The following KDM4B variants were observed in gnomAD, a reference collection of about 807,000 sequenced individuals.
The protein encoded by KDM4B is lysine demethylase 4B.
In KDM4B, 32 loss-of-function variants were observed where a neutral mutation model predicts 125.2. The ratio of observed to expected loss-of-function variants is 0.26; its 90% CI spans 0.19 to 0.34. The LOEUF (loss-of-function observed/expected upper bound fraction) is 0.34, where lower values mean the gene tolerates loss of function less well. Ranked by LOEUF, KDM4B falls within the 10% of genes least tolerant of loss-of-function variation. The pLI is 1.00. For synonymous variants in KDM4B, 721 were observed against 677.9 expected, an observed-to-expected ratio of 1.06 and a Z score of -0.99; for missense variants, 1,190 against 1,577.7, an observed-to-expected ratio of 0.75 and a Z score of 4.16.
rs552783878 is a variant in KDM4B, at chr19:5,035,624, A to G, written c.141+2593A>G. On this transcript the variant is annotated intron_variant, in intron 3 of 22. Transcript: ENST00000159111. This position sits in a 1 kb window ranked among gnomAD's most constrained non-coding sequence, Gnocchi z 5.3. ...TCATGTCGCTGCTTCAGGTTTCTGC[A>G]CTCCCCCCAGGCCAGTTCCCCCGAG... Among the ~76,000 whole-genome samples, 1 of 146,488 alleles carries G rather than the reference A, an allele frequency of 6.8e-6. No individual in the cohort carries two copies.
intron 11 of KDM4B, among the ~76,000 whole-genome samples, chr19:5,127,638 C>T (rs1288877666): frequency 6.6e-6 from 1 of 152,212 alleles, no homozygotes; most frequent in Non-Finnish European, 1.5e-5. Flanking sequence ...CATGCCTGGT[C>T]CCTCCGGGAG....
chr19:5,151,066 G>A (rs775900289), intron 22 of KDM4B, among the ~76,000 whole-genome samples: 10 of 152,178 alleles, frequency 6.6e-5, no homozygotes, highest in Admixed American at 3.9e-4. Context: ...GGGGTCCCTC[G>A]GAAAACAGAT....
chr19:5,151,065 C>T (rs1343393241), intron 22 of KDM4B, among the ~76,000 whole-genome samples: 3 of 152,166 alleles, frequency 2.0e-5, no homozygotes, highest in South Asian at 2.1e-4. Context: ...AGGGGTCCCT[C>T]GGAAAACAGA....
At position 5,135,332 on chromosome 19, in the gene KDM4B, C is replaced by T; in HGVS notation, c.2086-7C>T. 1 of 1,601,206 alleles carries T rather than the reference C, an allele frequency of 6.2e-7. No individual in the cohort carries two copies. The highest frequency in any genetic ancestry group is 8.6e-7 in the Non-Finnish European group (1 of 1,169,380). On this transcript the variant is annotated splice_region_variant and splice_polypyrimidine_tract_variant and intron_variant, in intron 14 of 22. Transcript: ENST00000159111. Reference sequence around the variant, plus strand: ...TCTGTCCCCTGAAGGTCGCCTCTCCCCTACAGGCCCTACAGACTGAGAAGG... The same window carrying T: ...TCTGTCCCCTGAAGGTCGCCTCTCCTCTACAGGCCCTACAGACTGAGAAGG...
intron 9 of KDM4B, among the ~76,000 whole-genome samples, chr19:5,108,044 GA>G (rs1416885900): frequency 2.0e-5 from 3 of 152,220 alleles, no homozygotes; most frequent in Non-Finnish European, 4.4e-5. Context: ...TGGAGCAGGG[GA>G]TGCATCTGGA....
Position 5,114,189 on chromosome 19 carries a change from C to G in KDM4B, c.1115+3371C>G. 7.8e-7 allele frequency: 1 copy of G among 1,289,764 alleles called. No individual in the cohort carries two copies. 79.9% of individuals were successfully genotyped at this position (1,289,764 alleles called of 1,614,324 possible). A position where few individuals can be genotyped will look rare whatever the true frequency, so the allele number is the denominator to read the frequency against. ...CGCTCCTCCATGCAAACTCTTTCCA[C>G]GCGAGAAGCGCCATGTGCACGTGCT... On this transcript the variant is annotated intron_variant, in intron 10 of 22. Coordinates refer to ENST00000159111, the MANE Select transcript of KDM4B (RefSeq NM_015015.3). This position sits in a 1 kb window ranked among gnomAD's most constrained non-coding sequence, Gnocchi z 5.8.
At chr19:5,049,906 AG>A (rs1287401836) in intron 6 of KDM4B, among the ~76,000 whole-genome samples, 1 of 151,864 alleles carries the variant, frequency 6.6e-6, no homozygotes, top group African/African-American at 2.4e-5. Context: ...CCCAACTTGC[AG>A]GGGGGTGGGG....
chr19:4,995,058 T>C (rs145037917), intron 1 of KDM4B, among the ~76,000 whole-genome samples: 4 of 152,344 alleles, frequency 2.6e-5, no homozygotes, highest in East Asian at 3.9e-4. Flanking sequence ...ATGGTGCCTC[T>C]TCTTTTGCTC....
intron 5 of KDM4B, among the ~76,000 whole-genome samples, chr19:5,043,100 C>A (rs944115878): frequency 6.6e-6 from 1 of 151,626 alleles, no homozygotes; most frequent in Non-Finnish European, 1.5e-5. Context: ...GGGTGTCCCC[C>A]TTATCCCGCA....
In KDM4B at chr19:5,133,926, C is replaced by T. The variant is rs146435915; in HGVS notation, c.1950C>T (p.Asp650=). The T allele has an allele frequency of 1.2e-4, 199 of 1,613,126 alleles. No homozygotes were observed. The highest frequency in any genetic ancestry group is 3.9e-4 in the African/African-American group (29 of 75,060). Residue 650 remains aspartate, a synonymous_variant, in exon 14 of 23, where the codon GAC becomes GAT. Coordinates refer to ENST00000159111, the MANE Select transcript of KDM4B (RefSeq NM_015015.3). ...FSGEEDVSDP[D]ALRPLLSLQW... ...GGGAGGAAGATGTGAGTGACCCGGACGCCTTGAGGCCGCTGCTGTCTCTGC... is the reference window on the plus strand; with the variant it reads ...GGGAGGAAGATGTGAGTGACCCGGATGCCTTGAGGCCGCTGCTGTCTCTGC...
At chr19:5,138,215 T>C (rs1277529899) in intron 18 of KDM4B, 145 bp downstream of exon 18, 27 of 622,120 alleles carry the variant, frequency 4.3e-5, no homozygotes, top group Admixed American at 2.9e-5. Context: ...AGGAAGCCAG[T>C]GATCCCGACT....
intron 2 of KDM4B, among the ~76,000 whole-genome samples, chr19:5,024,130 G>A (rs2036209242): frequency 6.6e-6 from 1 of 152,116 alleles, no homozygotes; most frequent in African/African-American, 2.4e-5. Flanking sequence ...TTTCTTGGGT[G>A]TCCCTTGCGC....
At chr19:5,147,560 C>A (rs557471392) in intron 21 of KDM4B, among the ~76,000 whole-genome samples, 1 of 151,880 alleles carries the variant, frequency 6.6e-6, no homozygotes, top group Non-Finnish European at 1.5e-5. Context: ...GCCTGGGCAA[C>A]GCAGCAAAAC....
intron 9 of KDM4B, among the ~76,000 whole-genome samples, chr19:5,101,599 A>T (rs2038935391): frequency 6.7e-6 from 1 of 150,340 alleles, no homozygotes; most frequent in Non-Finnish European, 1.5e-5. Flanking sequence ...ATGGGTTGGG[A>T]TGCAAGGGGA....
intron 21 of KDM4B, among the ~76,000 whole-genome samples, chr19:5,147,409 G>A (rs2039870564): frequency 6.6e-6 from 1 of 152,136 alleles, no homozygotes; most frequent in Non-Finnish European, 1.5e-5. Flanking sequence ...CAGCGTCAGG[G>A]GAGCTCACCT....
intron 4 of KDM4B, 57 bp downstream of exon 4, chr19:5,040,068 T>C: frequency 6.7e-7 from 1 of 1,501,432 alleles, no homozygotes; most frequent in Non-Finnish European, 9.0e-7. Context: ...CACCTGCTCA[T>C]GGGGGCCCTG....
At position 5,099,986 on chromosome 19, in the gene KDM4B, T is replaced by G. The variant is rs1160827894; in HGVS notation, c.919-10636T>G. On this transcript the variant is annotated intron_variant, in intron 9 of 22. Coordinates refer to ENST00000159111, the MANE Select transcript of KDM4B (RefSeq NM_015015.3). ...TGTGCAGGAGAAGCTGCTGTCTGGG[T>G]GGCGGATAGTTTGGCTGGGTATCGA... is the stretch of plus-strand genomic sequence containing the variant. 2.6e-5 allele frequency among the ~76,000 whole-genome samples: 4 copies of G among 152,250 alleles called. No homozygotes were observed. The South Asian group carries it at 6.2e-4, about 24-fold the overall frequency.
intron 2 of KDM4B, among the ~76,000 whole-genome samples, chr19:5,018,982 C>G (rs1477346638): frequency 3.9e-5 from 6 of 152,336 alleles, no homozygotes; most frequent in South Asian, 2.1e-4. Context: ...GTGGCCTCCT[C>G]TCTGGCTATT....
At chr19:5,069,482 G>A (rs1431978566) in intron 6 of KDM4B, among the ~76,000 whole-genome samples, 2 of 151,422 alleles carry the variant, frequency 1.3e-5, no homozygotes, top group African/African-American at 2.4e-5. Context: ...GCTAATTTTT[G>A]TATTTTTCGT....
Sources: allele counts gnomAD v4.1 joint callset (sites outside exome capture counted in the v4.1 genomes callset), GRCh38; gene constraint gnomAD v4.1.1; non-coding constraint Gnocchi (gnomAD v3.1); transcripts MANE v1.5; gene names NCBI Gene and HGNC (gene_info 2026-07-23, HGNC 2026-07-21).